Variants in JAZF1 observed in about 807,000 individuals in gnomAD.
JAZF1 encodes juxtaposed with another zinc finger protein 1.
A neutral mutation model predicts 26.4 loss-of-function variants in JAZF1; 8 were observed. The ratio of observed to expected loss-of-function variants is 0.30; its 90% confidence interval spans 0.18 to 0.55. JAZF1 has a LOEUF of 0.55. Among genes scored for constraint, JAZF1 ranks in the 20% least tolerant of loss-of-function variants. JAZF1 has a pLI of 0.94. For missense variants in JAZF1, 199 were observed against 322.0 expected (o/e 0.62, Z 2.92); for synonymous variants, 126 against 122.3 (o/e 1.03, Z -0.20).
chr7:28,070,350 T>A (rs1322297745), intron 1 of JAZF1, among the ~76,000 whole-genome samples: 1 of 152,140 alleles, frequency 6.6e-6, no homozygotes, highest in Non-Finnish European at 1.5e-5. Flanking sequence ...AAATAAGAAG[T>A]TGAAAACATA....
At chr7:28,158,143 A>ACGCGCG (rs1341205525) in intron 1 of JAZF1, among the ~76,000 whole-genome samples, 81 of 141,798 alleles carry the variant, frequency 5.7e-4, no homozygotes, top group African/African-American at 2.1e-3. Context: ...CATTGAAAAC[A>ACGCGCG]CGCGCGCACA....
intron 3 of JAZF1, among the ~76,000 whole-genome samples, chr7:27,871,072 G>A (rs896502726): frequency 4.6e-5 from 7 of 152,194 alleles, no homozygotes; most frequent in East Asian, 1.9e-4. Context: ...AACCGTCATT[G>A]TAACGAGAAG....
intron 3 of JAZF1, among the ~76,000 whole-genome samples, chr7:27,875,818 T>G (rs751692026): frequency 6.6e-6 from 1 of 152,242 alleles, no homozygotes; most frequent in Non-Finnish European, 1.5e-5. Context: ...TTGTTCAGTA[T>G]ATTAACCAGA....
At chr7:27,889,998 C>G (rs139108617) in intron 3 of JAZF1, among the ~76,000 whole-genome samples, 7 of 151,742 alleles carry the variant, frequency 4.6e-5, no homozygotes, top group African/African-American at 1.7e-4. Flanking sequence ...TCTCGTGTAA[C>G]AAGATAATTG....
intron 3 of JAZF1, among the ~76,000 whole-genome samples, chr7:27,861,796 A>G (rs1475525273): frequency 6.6e-6 from 1 of 152,178 alleles, no homozygotes. Flanking sequence ...GGGTCTATCA[A>G]ATGGTGAAGG....
At chr7:27,973,279 C>A (rs2128360218) in intron 2 of JAZF1, among the ~76,000 whole-genome samples, 1 of 152,040 alleles carries the variant, frequency 6.6e-6, no homozygotes, top group East Asian at 1.9e-4. Flanking sequence ...GTCACCCAGG[C>A]TGGAGTGTGT....
At chr7:27,986,770 C>T (rs1210072053) in intron 2 of JAZF1, among the ~76,000 whole-genome samples, 1 of 152,126 alleles carries the variant, frequency 6.6e-6, no homozygotes, top group Non-Finnish European at 1.5e-5. Context: ...ATTCTCCTGC[C>T]TCAGCCTGCC....
chr7:28,129,389 G>A (rs1782753406), intron 1 of JAZF1, among the ~76,000 whole-genome samples: 1 of 152,114 alleles, frequency 6.6e-6, no homozygotes, highest in South Asian at 2.1e-4. Context: ...CACTTGTGAT[G>A]CCTAATAAGA....
At chr7:27,897,716 T>A (rs1784093761) in intron 2 of JAZF1, among the ~76,000 whole-genome samples, 2 of 152,156 alleles carry the variant, frequency 1.3e-5, no homozygotes. Flanking sequence ...CCAGAGCGTG[T>A]TTCAAGAGCT....
chr7:28,145,199 T>G (rs76040735), intron 1 of JAZF1, among the ~76,000 whole-genome samples: 2,308 of 152,302 alleles, frequency 0.015, 59 homozygotes, highest in African/African-American at 0.053. Context: ...CGGATCCACA[T>G]TTCCAGCAAG....
chr7:27,941,900 G>A (rs1784853730), intron 2 of JAZF1, among the ~76,000 whole-genome samples: 1 of 152,200 alleles, frequency 6.6e-6, no homozygotes, highest in South Asian at 2.1e-4. Context: ...GGGTAAGGGG[G>A]AGGGGACAGG....
At chr7:28,009,762 C>T (rs1185901995) in intron 1 of JAZF1, among the ~76,000 whole-genome samples, 1 of 152,198 alleles carries the variant, frequency 6.6e-6, no homozygotes, top group Non-Finnish European at 1.5e-5. Flanking sequence ...GGATCACAGG[C>T]GTGAGCCACC....
intron 1 of JAZF1, among the ~76,000 whole-genome samples, chr7:28,124,254 G>T (rs981981140): frequency 6.6e-6 from 1 of 152,178 alleles, no homozygotes. Context: ...ACAGCGAGGG[G>T]GCGGCCATCT....
intron 3 of JAZF1, among the ~76,000 whole-genome samples, chr7:27,880,857 AG>A (rs1251068308): frequency 2.6e-5 from 4 of 152,150 alleles, no homozygotes; most frequent in Non-Finnish European, 5.9e-5. Flanking sequence ...TTGCAGAGAC[AG>A]GGTCCCCCTG....
intron 1 of JAZF1, among the ~76,000 whole-genome samples, chr7:28,136,750 AC>A (rs138221879): frequency 0.027 from 4,181 of 152,286 alleles, 78 homozygotes; most frequent in Middle Eastern, 0.054. Flanking sequence ...GCATGAAGAG[AC>A]CCAATTCTGA....
chr7:27,877,014 G>A (rs1318334826), intron 3 of JAZF1, among the ~76,000 whole-genome samples: 1 of 152,192 alleles, frequency 6.6e-6, no homozygotes, highest in Non-Finnish European at 1.5e-5. Flanking sequence ...TGCTCCTTGG[G>A]GAGGTTACTG....
At chr7:27,833,787 T>C (rs1180369323) in intron 4 of JAZF1, among the ~76,000 whole-genome samples, 1 of 152,236 alleles carries the variant, frequency 6.6e-6, no homozygotes, top group East Asian at 1.9e-4. Flanking sequence ...GCATATTCTA[T>C]GTAAGATTCC....
intron 1 of JAZF1, among the ~76,000 whole-genome samples, chr7:28,032,445 G>GA (rs555591143): frequency 5.9e-5 from 9 of 152,038 alleles, no homozygotes; most frequent in South Asian, 2.1e-4. Context: ...GAATTAAAGA[G>GA]AAAAAAAATG....
At chr7:28,010,511 T>C (rs1386159389) in intron 1 of JAZF1, among the ~76,000 whole-genome samples, 1 of 152,210 alleles carries the variant, frequency 6.6e-6, no homozygotes, top group Non-Finnish European at 1.5e-5. Context: ...GATATGCCTT[T>C]GTAACACATG....
Sources: allele counts gnomAD v4.1 joint callset (sites outside exome capture counted in the v4.1 genomes callset), GRCh38; gene constraint gnomAD v4.1.1; transcripts MANE v1.5; gene names NCBI Gene and HGNC (gene_info 2026-07-23, HGNC 2026-07-21).